SND1: variants seen among roughly 807,000 people sequenced by gnomAD.
SND1 encodes staphylococcal nuclease and tudor domain containing 1.
Under a neutral mutation model 121.7 loss-of-function variants are expected in SND1, and 38 were observed. That is an observed-to-expected ratio of 0.31 (90% CI 0.24 to 0.41). The LOEUF (loss-of-function observed/expected upper bound fraction) is 0.41, where lower values mean the gene tolerates loss of function less well. Ranked by LOEUF, SND1 falls within the 10% of genes least tolerant of loss-of-function variation. The probability of loss-of-function intolerance (pLI) is 1.00; values close to 1 mark genes in which losing one functional copy is unlikely to be tolerated. For synonymous variants in SND1, 401 were observed against 447.4 expected (o/e 0.90, Z 1.31); for missense variants, 868 against 1,184.6 (o/e 0.73, Z 3.92).
chr7:127,842,904 A>T (rs530688600), intron 11 of SND1, among the ~76,000 whole-genome samples: 74 of 152,182 alleles, frequency 4.9e-4, no homozygotes, highest in Non-Finnish European at 9.4e-4. Flanking sequence ...GAGGCAGTTC[A>T]TATTTTTAAA....
chr7:127,898,360 C>G (rs1385033983), intron 13 of SND1, among the ~76,000 whole-genome samples: 1 of 152,126 alleles, frequency 6.6e-6, no homozygotes, highest in Non-Finnish European at 1.5e-5. Context: ...TCTTTCTCAT[C>G]GGTAATTCTC....
intron 15 of SND1, among the ~76,000 whole-genome samples, chr7:127,983,492 C>A (rs938434482): frequency 6.6e-6 from 1 of 152,080 alleles, no homozygotes; most frequent in Non-Finnish European, 1.5e-5. Flanking sequence ...ACTCTTGCCT[C>A]CTGTTCCTCT....
Position 127,652,287 on chromosome 7 carries a change from C to G in SND1, c.-87C>G. 8.6e-7 allele frequency: 1 copy of G among 1,166,642 alleles called. No homozygotes were observed. The highest frequency in any genetic ancestry group is 1.3e-6 in the Non-Finnish European group (1 of 795,794). The allele number at this position is 1,166,642 out of a possible 1,614,324, so 72.3% of individuals were successfully genotyped here. On this transcript the variant is annotated 5_prime_UTR_variant, in exon 1 of 24. Coordinates refer to ENST00000354725, the MANE Select transcript of SND1 (RefSeq NM_014390.4). The stretch of plus-strand genomic sequence containing the variant: ...AGCTGGTAGCCAGCCTGCCCCTCGC[C>G]TCGACTCCCTTTCACCAACACCGAC...
intron 21 of SND1, 61 bp downstream of exon 21, chr7:128,087,112 C>T (rs1793700049): frequency 1.5e-6 from 2 of 1,293,306 alleles, no homozygotes; most frequent in Non-Finnish European, 2.2e-6. Flanking sequence ...GCCGCTGCAG[C>T]AGCCCTCATG....
At position 128,092,324 on chromosome 7, in the gene SND1, T is replaced by C. The variant is rs941415051; in HGVS notation, c.*266T>C. ...GTTTTATTTGGAGGTTTGTGGGCTT[T>C]TTTTAAAAAAAAAAAGTCCTCAAAT... On this transcript the variant is annotated 3_prime_UTR_variant, in exon 24 of 24. Coordinates refer to ENST00000354725, the MANE Select transcript of SND1 (RefSeq NM_014390.4). This position sits in a 1 kb window ranked among gnomAD's most constrained non-coding sequence, Gnocchi z 4.9. 1 of 467,766 alleles carries C rather than the reference T, an allele frequency of 2.1e-6. No individual in the cohort carries two copies. Among genetic ancestry groups the C allele is most frequent in the Non-Finnish European group, 3.8e-6 (1 of 263,778 alleles). The allele number at this position is 467,766 out of a possible 1,614,324, so 29.0% of individuals were successfully genotyped here. A position where few individuals can be genotyped will look rare whatever the true frequency, so the allele number is the denominator to read the frequency against.
chr7:128,070,422 CCAGCCTTCTAG>C (rs1300242652), intron 16 of SND1, among the ~76,000 whole-genome samples: 3 of 152,246 alleles, frequency 2.0e-5, no homozygotes, highest in African/African-American at 7.2e-5. Flanking sequence ...AAGCCTGCTC[CCAGCCTTCTAG>C]CAGCCTGTGG....
rs559634295 is a variant in SND1, at chr7:128,030,845, G to A, written c.1779+39789G>A. ...CCCTGGTCTCCCAACCCACCCTCAA[G>A]GCAAGCCCTCCGAAAGCTACGACTC... is the stretch of plus-strand genomic sequence containing the variant. On this transcript the variant is annotated intron_variant, in intron 16 of 23. Transcript: ENST00000354725. 5.1e-5 allele frequency: 29 copies of A among 571,320 alleles called. No homozygotes were observed. In the East Asian group the frequency reaches 8.9e-4, roughly 17 times the overall value. The allele number at this position is 571,320 out of a possible 1,614,324, so 35.4% of individuals were successfully genotyped here.
intron 14 of SND1, among the ~76,000 whole-genome samples, chr7:127,908,625 TCTTA>T (rs1345145015): frequency 3.9e-5 from 6 of 152,106 alleles, no homozygotes; most frequent in African/African-American, 1.2e-4. Context: ...TGGTACTAGG[TCTTA>T]CTTGATTTGA....
intron 10 of SND1, among the ~76,000 whole-genome samples, chr7:127,722,341 T>C (rs1233001507): frequency 6.6e-6 from 1 of 151,728 alleles, no homozygotes; most frequent in Non-Finnish European, 1.5e-5. Flanking sequence ...AGGGTCTTGT[T>C]ATGTTGCCCA....
At chr7:127,740,314 G>A (rs886392740) in intron 10 of SND1, among the ~76,000 whole-genome samples, 6 of 152,040 alleles carry the variant, frequency 3.9e-5, no homozygotes, top group Non-Finnish European at 8.8e-5. Flanking sequence ...AAGTAGCTTG[G>A]GTATTTTTTT....
intron 15 of SND1, among the ~76,000 whole-genome samples, chr7:127,957,810 C>G (rs776565351): frequency 3.3e-5 from 5 of 152,182 alleles, no homozygotes; most frequent in Non-Finnish European, 7.3e-5. Context: ...AAGCAATTCC[C>G]CTGCCCCAGC....
intron 15 of SND1, among the ~76,000 whole-genome samples, chr7:127,988,011 A>G (rs1446496922): frequency 6.6e-6 from 1 of 152,226 alleles, no homozygotes; most frequent in Non-Finnish European, 1.5e-5. Context: ...AAATAATTGC[A>G]CTGGCAGAAT....
At chr7:127,998,094 TACTC>T (rs1802720948) in intron 16 of SND1, 1 of 423,414 alleles carries the variant, frequency 2.4e-6, no homozygotes, top group Non-Finnish European at 4.9e-6. Flanking sequence ...ATATAAGAGA[TACTC>T]AATAAATAAA....
chr7:127,989,461 A>G (rs1802470779), intron 15 of SND1, among the ~76,000 whole-genome samples: 1 of 152,138 alleles, frequency 6.6e-6, no homozygotes, highest in Admixed American at 6.5e-5. Context: ...CCCTGGCCAG[A>G]AACATGAGCA....
intron 11 of SND1, among the ~76,000 whole-genome samples, chr7:127,833,484 C>A (rs1010452902): frequency 2.6e-5 from 4 of 152,026 alleles, no homozygotes; most frequent in African/African-American, 9.7e-5. Context: ...AGGCTGGTCT[C>A]GAACTCTTGA....
intron 15 of SND1, among the ~76,000 whole-genome samples, chr7:127,955,605 C>T (rs1174187437): frequency 6.6e-6 from 1 of 152,120 alleles, no homozygotes; most frequent in Non-Finnish European, 1.5e-5. Context: ...ATAAGCTCTC[C>T]TTTTGCTGTC....
chr7:127,857,724 C>A, intron 12 of SND1: 1 of 606,438 alleles, frequency 1.6e-6, no homozygotes, highest in East Asian at 2.8e-5. Context: ...CAACTAAAGG[C>A]TTTTATTGGG....
chr7:127,762,675 T>G (rs892724200), intron 10 of SND1, among the ~76,000 whole-genome samples: 1 of 152,220 alleles, frequency 6.6e-6, no homozygotes, highest in Non-Finnish European at 1.5e-5. Context: ...CATCTTTATC[T>G]CTGCAACTAT....
chr7:128,006,130 T>C (rs2116940422), intron 16 of SND1, among the ~76,000 whole-genome samples: 1 of 152,230 alleles, frequency 6.6e-6, no homozygotes, highest in Middle Eastern at 3.4e-3. Flanking sequence ...GAAGGAAGTG[T>C]TCTTGTTCTT....
Sources: allele counts gnomAD v4.1 joint callset (sites outside exome capture counted in the v4.1 genomes callset), GRCh38; gene constraint gnomAD v4.1.1; non-coding constraint Gnocchi (gnomAD v3.1); transcripts MANE v1.5; gene names NCBI Gene and HGNC (gene_info 2026-07-23, HGNC 2026-07-21).